LRRC9: variants seen among roughly 807,000 people sequenced by gnomAD.
The protein encoded by LRRC9 is leucine-rich repeat-containing protein 9.
A neutral mutation model predicts 63.2 loss-of-function variants in LRRC9; 122 were observed. The observed-to-expected ratio is 1.93, with a 90% CI of 1.67 to 2.24. The LOEUF (loss-of-function observed/expected upper bound fraction) is 2.24. Ranked by LOEUF, LRRC9 falls within the 30% of genes most tolerant of loss-of-function variation. The pLI, the probability that LRRC9 is intolerant of heterozygous loss-of-function variation, is 0.00. For missense variants in LRRC9, 1,071 were observed against 627.7 expected (o/e 1.71, Z -7.55); for synonymous variants, 366 against 213.1 (o/e 1.72, Z -6.25).
chr14:59,970,731 T>C (rs553816560), intron 12 of LRRC9, among the ~76,000 whole-genome samples: 1 of 152,200 alleles, frequency 6.6e-6, no homozygotes, highest in Non-Finnish European at 1.5e-5. Context: ...GTATGTCTTC[T>C]TTTGCAAAGT....
At position 59,958,722 on chromosome 14, in the gene LRRC9, G is replaced by A. The variant is rs7144047; in HGVS notation, c.883-1096G>A. On this transcript the variant is annotated intron_variant, in intron 8 of 31. Coordinates refer to ENST00000445360, the Ensembl canonical transcript of LRRC9. The surrounding 1 kb of genome is among the most constrained non-coding windows in gnomAD (Gnocchi z 4.0). Reference sequence around the variant, plus strand: ...CAGTGTCTGCCCAAACAGCCACCCAGTTTTGTGCTTGAAACACAGAGCCCT... The same window carrying A: ...CAGTGTCTGCCCAAACAGCCACCCAATTTTGTGCTTGAAACACAGAGCCCT... Among the ~76,000 whole-genome samples the A allele has an allele frequency of 0.081, 12,314 of 152,288 alleles. 1,627 individuals are homozygous for A. The highest frequency in any genetic ancestry group is 0.28 in the African/African-American group (11,583 of 41,512).
At chr14:60,065,587 G>GCAGTGAGC (rs1894864803), downstream of LRRC9, among the ~76,000 whole-genome samples, 1 of 137,276 alleles carries the variant, frequency 7.3e-6, no homozygotes, top group Non-Finnish European at 1.6e-5. Context: ...GGCAGAGGTT[G>GCAGTGAGC]CAGTGAGCTG....
At chr14:60,048,445 T>C (rs1893617501) in intron 29 of LRRC9, among the ~76,000 whole-genome samples, 2 of 152,084 alleles carry the variant, frequency 1.3e-5, no homozygotes, top group Non-Finnish European at 2.9e-5. Flanking sequence ...CAATCTAAAA[T>C]TGTAAGGGGA....
chr14:60,046,877 T>C (rs1307898352), intron 29 of LRRC9, among the ~76,000 whole-genome samples: 1 of 152,252 alleles, frequency 6.6e-6, no homozygotes, highest in Non-Finnish European at 1.5e-5. Context: ...ATATTGATTC[T>C]TCCTATCCAT....
rs1293456018 is a variant in LRRC9 at position 60,004,748 on chromosome 14, C to T, written c.2842+950C>T. On this transcript the variant is annotated intron_variant, in intron 21 of 31. Coordinates refer to ENST00000445360, the Ensembl canonical transcript of LRRC9. The surrounding 1 kb of genome is among the most constrained non-coding windows in gnomAD (Gnocchi z 4.8). Reference sequence around the variant, plus strand: ...TAGAAAGAAATTGAAAGAAGCTTTCCATGACTTGCTACCAACTTTCTCTTA... The same window carrying T: ...TAGAAAGAAATTGAAAGAAGCTTTCTATGACTTGCTACCAACTTTCTCTTA... Among the ~76,000 whole-genome samples the T allele has an allele frequency of 2.6e-5, 4 of 152,036 alleles. No individual in the cohort carries two copies. The highest frequency in any genetic ancestry group is 5.9e-5 in the Non-Finnish European group (4 of 67,952).
intron 1 of LRRC9, among the ~76,000 whole-genome samples, chr14:59,926,982 C>T (rs1889263028): frequency 6.6e-6 from 1 of 152,080 alleles, no homozygotes; most frequent in South Asian, 2.1e-4. Context: ...TTAAAAGTAT[C>T]ATTTTTTCTT....
chr14:59,972,026 T>C (rs375255786), intron 12 of LRRC9, among the ~76,000 whole-genome samples: 4 of 152,288 alleles, frequency 2.6e-5, no homozygotes, highest in African/African-American at 7.2e-5. Context: ...CTGCCTGGCA[T>C]TGAAGGCCTC....
intron 19 of LRRC9, among the ~76,000 whole-genome samples, chr14:60,001,517 A>C (rs219368): frequency 0.74 from 112,901 of 151,672 alleles, 44,184 homozygotes; most frequent in Non-Finnish European, 0.87. Flanking sequence ...AATATGTGCA[A>C]AACTAAATGA....
At chr14:59,970,278 C>G (rs1322848014) in intron 12 of LRRC9, among the ~76,000 whole-genome samples, 1 of 151,850 alleles carries the variant, frequency 6.6e-6, no homozygotes, top group African/African-American at 2.4e-5. Context: ...ATCCATGTTC[C>G]TGGAAAGGCT....
At chr14:60,049,578 C>G (rs377660633) in intron 29 of LRRC9, among the ~76,000 whole-genome samples, 2 of 152,094 alleles carry the variant, frequency 1.3e-5, no homozygotes, top group African/African-American at 4.8e-5. Flanking sequence ...GAACATTGGC[C>G]CCCAGTCTCT....
At chr14:59,998,952 T>G (rs1248149807) in intron 18 of LRRC9, 149 bp from the exon 19 acceptor site, 2 of 449,964 alleles carry the variant, frequency 4.4e-6, no homozygotes, top group Non-Finnish European at 7.8e-6. Flanking sequence ...ATTTCAACTA[T>G]TATTTAAATA....
At chr14:60,041,738 C>G (rs1892962873) in intron 29 of LRRC9, among the ~76,000 whole-genome samples, 1 of 152,226 alleles carries the variant, frequency 6.6e-6, no homozygotes, top group Admixed American at 6.5e-5. Context: ...CTGAAGCATT[C>G]TTCTCTCAAC....
intron 23 of LRRC9, among the ~76,000 whole-genome samples, chr14:60,010,115 A>AATAGGCAGT (rs1890141756): frequency 6.6e-6 from 1 of 152,168 alleles, no homozygotes; most frequent in Non-Finnish European, 1.5e-5. Flanking sequence ...CCCCCCTCAC[A>AATAGGCAGT]GCTCCAATAG....
At chr14:59,995,291 A>G (rs1888639220) in intron 17 of LRRC9, among the ~76,000 whole-genome samples, 1 of 152,246 alleles carries the variant, frequency 6.6e-6, no homozygotes, top group African/African-American at 2.4e-5. Flanking sequence ...TTCTCTGAAA[A>G]TAGCTCCACC....
chr14:60,039,904 G>A (rs1230904293), intron 29 of LRRC9, among the ~76,000 whole-genome samples: 6 of 150,086 alleles, frequency 4.0e-5, no homozygotes, highest in Admixed American at 6.6e-5. Flanking sequence ...TACATTTAGT[G>A]CTATAAATTT....
chr14:60,061,931 A>T (rs1395365300), intron 31 of LRRC9, 80 bp from the exon 32 acceptor site: 3 of 397,144 alleles, frequency 7.6e-6, no homozygotes, highest in Admixed American at 4.4e-5. Flanking sequence ...ACCAAACTAT[A>T]TTGCTTAATG....
intron 8 of LRRC9, among the ~76,000 whole-genome samples, chr14:59,954,736 C>T (rs1399991324): frequency 4.6e-5 from 7 of 150,876 alleles, no homozygotes; most frequent in South Asian, 2.1e-4. Flanking sequence ...TTATCTTCTA[C>T]AACACTTCCA....
At chr14:60,041,675 G>T (rs1221398260) in intron 29 of LRRC9, among the ~76,000 whole-genome samples, 1 of 152,084 alleles carries the variant, frequency 6.6e-6, no homozygotes, top group Non-Finnish European at 1.5e-5. Context: ...GCTTATTTGT[G>T]ATGTGTTCGA....
At chr14:60,039,726 T>C (rs1042385183) in intron 29 of LRRC9, among the ~76,000 whole-genome samples, 2 of 152,176 alleles carry the variant, frequency 1.3e-5, no homozygotes, top group East Asian at 1.9e-4. Context: ...CCTGGATTCA[T>C]TGATTTTTTT....
Sources: gnomAD v4.1 joint callset for allele counts (sites outside exome capture counted in the v4.1 genomes callset) on GRCh38, gnomAD v4.1.1 for gene constraint, Gnocchi (gnomAD v3.1) non-coding constraint, MANE v1.5 for transcripts, NCBI Gene and HGNC (gene_info 2026-07-23, HGNC 2026-07-21) for gene names.